SLX4IP: variants seen among roughly 807,000 people sequenced by gnomAD.
The protein encoded by SLX4IP is SLX4 interacting protein.
In SLX4IP, 34 loss-of-function variants were observed where a neutral mutation model predicts 32.9. That is an observed-to-expected ratio of 1.03 (90% CI 0.79 to 1.38). The LOEUF (loss-of-function observed/expected upper bound fraction) is 1.38, where lower values mean the gene tolerates loss of function less well. Among genes scored for constraint, SLX4IP ranks in the 40% most tolerant of loss-of-function variants. The pLI, the probability that SLX4IP is intolerant of heterozygous loss-of-function variation, is 0.00. For missense variants in SLX4IP, 444 were observed against 479.0 expected, an observed-to-expected ratio of 0.93 and a Z score of 0.68; for synonymous variants, 172 against 171.7, an observed-to-expected ratio of 1.00 and a Z score of -0.01.
At chr20:10,487,144 AAAC>A (rs1003950300) in intron 2 of SLX4IP, among the ~76,000 whole-genome samples, 11 of 152,314 alleles carry the variant, frequency 7.2e-5, no homozygotes, top group South Asian at 2.1e-4. Flanking sequence ...TTAAAAACAA[AAAC>A]AACAACAACA....
chr20:10,452,676 A>ATATAT (rs764822188), intron 1 of SLX4IP, among the ~76,000 whole-genome samples: 51 of 97,952 alleles, frequency 5.2e-4, no homozygotes, highest in Admixed American at 6.5e-4. Context: ...AAAAAAAAAA[A>ATATAT]AAAAATATAT....
intron 2 of SLX4IP, among the ~76,000 whole-genome samples, chr20:10,459,790 G>C (rs563632091): frequency 6.6e-6 from 1 of 152,172 alleles, no homozygotes; most frequent in Non-Finnish European, 1.5e-5. Context: ...GGAGGCTCCT[G>C]TGTGAGGGAT....
At chr20:10,570,768 A>G (rs2066454097) in intron 4 of SLX4IP, among the ~76,000 whole-genome samples, 1 of 151,942 alleles carries the variant, frequency 6.6e-6, no homozygotes, top group South Asian at 2.1e-4. Flanking sequence ...ACCTCAAGTG[A>G]CCCACCCGCC....
chr20:10,520,342 G>A (rs1472809888), intron 2 of SLX4IP, among the ~76,000 whole-genome samples: 5 of 151,856 alleles, frequency 3.3e-5, no homozygotes, highest in African/African-American at 9.7e-5. Flanking sequence ...GAGCCACTGC[G>A]CCCGGCCCTT....
At chr20:10,488,765 GT>G (rs1429956459) in intron 2 of SLX4IP, among the ~76,000 whole-genome samples, 4 of 151,964 alleles carry the variant, frequency 2.6e-5, no homozygotes, top group African/African-American at 9.7e-5. Flanking sequence ...CAAAGAATAT[GT>G]TTTTTTCAGT....
intron 1 of SLX4IP, among the ~76,000 whole-genome samples, chr20:10,452,366 A>G (rs566439676): frequency 2.0e-5 from 3 of 152,096 alleles, no homozygotes; most frequent in African/African-American, 7.2e-5. Context: ...CTCCATCTCT[A>G]TAAAAAATAT....
chr20:10,591,544 C>T (rs750600131), intron 4 of SLX4IP, among the ~76,000 whole-genome samples: 3 of 152,276 alleles, frequency 2.0e-5, no homozygotes, highest in Non-Finnish European at 4.4e-5. Flanking sequence ...CAAGCAGCTA[C>T]CTCATTTAGA....
chr20:10,584,211 C>T lies in SLX4IP; in HGVS notation c.239-14464C>T, dbSNP rs749342766. Among the ~76,000 whole-genome samples, 26 of 152,030 alleles carry T rather than the reference C, an allele frequency of 1.7e-4. 1 individual carries two copies. Among genetic ancestry groups the T allele is most frequent in the South Asian group, 2.1e-4 (1 of 4,824 alleles). On this transcript the variant is annotated intron_variant, in intron 4 of 7. Coordinates refer to ENST00000334534, the MANE Select transcript of SLX4IP (RefSeq NM_001009608.3). ...AAAGAAAACAAAGAAGGCATGAGAC[C>T]GGTTCATTTAAATTCCCTGGAGGAG...
intron 4 of SLX4IP, among the ~76,000 whole-genome samples, chr20:10,569,982 C>T (rs543315125): frequency 3.3e-5 from 5 of 152,286 alleles, no homozygotes; most frequent in African/African-American, 9.6e-5. Context: ...GAGAGGTGCA[C>T]AGCTCACCCC....
chr20:10,602,784 GCTT>G, intron 6 of SLX4IP, among the ~76,000 whole-genome samples: 1 of 152,156 alleles, frequency 6.6e-6, no homozygotes, highest in South Asian at 2.1e-4. Context: ...TCTAAAACCA[GCTT>G]CTTATCTCAT....
intron 4 of SLX4IP, among the ~76,000 whole-genome samples, chr20:10,574,519 G>A (rs1406090516): frequency 6.6e-6 from 1 of 151,978 alleles, no homozygotes; most frequent in Admixed American, 6.6e-5. Context: ...GAGCTTTTAT[G>A]GTGACACAAC....
rs372278150 is a variant in SLX4IP at position 10,503,076 on chromosome 20, GCATTGATACAACTGTTGGCCAC to G, written c.27+44847_27+44868del. 5.2e-4 allele frequency among the ~76,000 whole-genome samples: 79 copies of G among 152,224 alleles called. 4 individuals carry two copies. The East Asian group carries it at 0.014, about 28-fold the overall frequency. ...TTGTGCTGCCTTAGACACACCTCCA[GCATTGATACAACTGTTGGCCAC>G]CTCACTATGGCCTACCCTGCCATCT... On this transcript the variant is annotated intron_variant, in intron 2 of 7. Transcript: ENST00000334534.
intron 2 of SLX4IP, among the ~76,000 whole-genome samples, chr20:10,513,921 T>C (rs1362632623): frequency 6.6e-6 from 1 of 152,220 alleles, no homozygotes; most frequent in Admixed American, 6.5e-5. Flanking sequence ...CTCAGTGATT[T>C]AAGGAGAACA....
At chr20:10,491,555 A>G (rs980022452) in intron 2 of SLX4IP, among the ~76,000 whole-genome samples, 1 of 152,300 alleles carries the variant, frequency 6.6e-6, no homozygotes, top group African/African-American at 2.4e-5. Flanking sequence ...TTTAGCAATT[A>G]TGCTTATCAC....
In SLX4IP at chr20:10,519,180, T is replaced by C. The variant is rs376777523; in HGVS notation, c.28-37051T>C. Reference sequence around the variant, plus strand: ...ATTTACATCTGTGTAATCATTGCCTTATCGACTTTTAAAAACAGCTTTATG... The same window carrying C: ...ATTTACATCTGTGTAATCATTGCCTCATCGACTTTTAAAAACAGCTTTATG... On this transcript the variant is annotated intron_variant, in intron 2 of 7. Coordinates refer to ENST00000334534, the MANE Select transcript of SLX4IP (RefSeq NM_001009608.3). 5.9e-5 allele frequency among the ~76,000 whole-genome samples: 9 copies of C among 152,350 alleles called. No individual in the cohort carries two copies. The East Asian group carries it at 1.2e-3, about 20-fold the overall frequency.
At chr20:10,457,748 T>G (rs953700764) in intron 1 of SLX4IP, among the ~76,000 whole-genome samples, 1 of 152,198 alleles carries the variant, frequency 6.6e-6, no homozygotes, top group Non-Finnish European at 1.5e-5. Context: ...GCTTCTGTTT[T>G]TTTAAAGAGT....
intron 1 of SLX4IP, among the ~76,000 whole-genome samples, chr20:10,439,927 A>C (rs1415479047): frequency 6.6e-6 from 1 of 152,180 alleles, no homozygotes. Context: ...TATATTTCTA[A>C]AGTCTTTTTG....
At position 10,627,559 on chromosome 20, in the gene SLX4IP, A is replaced by C. The variant is rs1053281336; in HGVS notation, c.*4180A>C. ...ATATTTATTTACAAGACAGGGAACA[A>C]ATATGTGTCAATGTGCAGCTTAACA... On this transcript the variant is annotated 3_prime_UTR_variant, in exon 8 of 8. Coordinates refer to ENST00000334534, the MANE Select transcript of SLX4IP (RefSeq NM_001009608.3). 1 of 152,224 alleles carries C rather than the reference A, an allele frequency of 6.6e-6. No individual in the cohort carries two copies. The highest frequency in any genetic ancestry group is 1.5e-5 in the Non-Finnish European group (1 of 68,024). The allele number at this position is 152,224 out of a possible 1,614,324, so 9.4% of individuals were successfully genotyped here. A position where few individuals can be genotyped will look rare whatever the true frequency, so the allele number is the denominator to read the frequency against.
chr20:10,618,798 G>A (rs944081220), intron 6 of SLX4IP, among the ~76,000 whole-genome samples: 7 of 152,216 alleles, frequency 4.6e-5, no homozygotes, highest in Admixed American at 2.0e-4. Context: ...GCACCTTGGC[G>A]TTGTGCCTCC....
Sources: gnomAD v4.1 joint callset for allele counts (sites outside exome capture counted in the v4.1 genomes callset) on GRCh38, gnomAD v4.1.1 for gene constraint, MANE v1.5 for transcripts, NCBI Gene and HGNC (gene_info 2026-07-23, HGNC 2026-07-21) for gene names.